MTERF4: variants seen among roughly 807,000 people sequenced by gnomAD.
The protein encoded by MTERF4 is mitochondrial transcription termination factor 4, also known as transcription termination factor 4, mitochondrial.
In MTERF4, 17 loss-of-function variants were observed where a neutral mutation model predicts 22.5. The ratio of observed to expected loss-of-function variants is 0.75; its 90% CI spans 0.52 to 1.13. The LOEUF (loss-of-function observed/expected upper bound fraction) is 1.13. MTERF4 is among the 50% of genes most tolerant of loss of function. MTERF4 has a pLI of 0.00. For missense variants in MTERF4, 420 were observed against 466.8 expected (o/e 0.90, Z 0.92); for synonymous variants, 165 against 175.3 (o/e 0.94, Z 0.47).
At chr2:241,057,708 CTT>C in the MTERF4 span, among the ~76,000 whole-genome samples, 2 of 151,920 alleles carry the variant, frequency 1.3e-5, no homozygotes, top group African/African-American at 4.8e-5. Context: ...AAGAAATAAA[CTT>C]AATACCTAAA....
At chr2:241,080,594 G>A (rs966366847) in intron 4 of MTERF4, among the ~76,000 whole-genome samples, 1 of 152,242 alleles carries the variant, frequency 6.6e-6, no homozygotes, top group Admixed American at 6.5e-5. Flanking sequence ...CAAAACAGCA[G>A]ACCATGTCCT....
At chr2:241,064,464 C>T in the MTERF4 span, among the ~76,000 whole-genome samples, 1 of 152,202 alleles carries the variant, frequency 6.6e-6, no homozygotes, top group South Asian at 2.1e-4. The surrounding 1 kb of genome is among the most constrained non-coding windows in gnomAD (Gnocchi z 7.0). Context: ...GGTCTGGCCC[C>T]TGGCTGTCCT....
intron 4 of MTERF4, among the ~76,000 whole-genome samples, chr2:241,078,877 G>A (rs2063178123): frequency 6.6e-6 from 1 of 152,064 alleles, no homozygotes; most frequent in African/African-American, 2.4e-5. Context: ...ACTTTGGGAG[G>A]CTGAGGCAGG....
the MTERF4 span, among the ~76,000 whole-genome samples, chr2:241,043,284 A>G: frequency 6.6e-6 from 1 of 152,226 alleles, no homozygotes; most frequent in Non-Finnish European, 1.5e-5. Context: ...AAGCCACATT[A>G]CATACAGCGA....
At chr2:241,063,375 G>A in the MTERF4 span, 1 of 593,714 alleles carries the variant, frequency 1.7e-6, no homozygotes, top group Non-Finnish European at 3.1e-6. Flanking sequence ...GCATGGCCTG[G>A]AGGTGGGGCT....
downstream of MTERF4, among the ~76,000 whole-genome samples, chr2:241,067,381 T>C (rs935593057): frequency 2.1e-4 from 32 of 152,212 alleles, no homozygotes; most frequent in Non-Finnish European, 1.6e-4. Context: ...GGCCCGGATG[T>C]GTGCTCTTAG....
At chr2:241,052,221 C>A in the MTERF4 span, 1 of 1,507,950 alleles carries the variant, frequency 6.6e-7, no homozygotes, top group Non-Finnish European at 9.2e-7. Context: ...GATGTGAAAA[C>A]AGGCCCATGG....
At chr2:241,061,041 A>G in the MTERF4 span, among the ~76,000 whole-genome samples, 9 of 152,320 alleles carry the variant, frequency 5.9e-5, no homozygotes, top group Non-Finnish European at 1.5e-5. Context: ...GAATTTAAAA[A>G]GAAATGATGA....
downstream of MTERF4, among the ~76,000 whole-genome samples, chr2:241,070,499 C>G (rs577347879): frequency 6.6e-6 from 1 of 152,226 alleles, no homozygotes; most frequent in Non-Finnish European, 1.5e-5. Flanking sequence ...AAAACGGGTG[C>G]CGAGGGTGGC....
chr2:241,097,531 A>G, intron 2 of MTERF4, 104 bp from the exon 3 acceptor site: 1 of 1,116,240 alleles, frequency 9.0e-7, no homozygotes, highest in Non-Finnish European at 1.3e-6. Context: ...ACAAACAAGG[A>G]TCCTCTCCTT....
the MTERF4 span, among the ~76,000 whole-genome samples, chr2:241,060,714 A>G: frequency 6.6e-6 from 1 of 152,192 alleles, no homozygotes; most frequent in African/African-American, 2.4e-5. Flanking sequence ...AGGCCAAGAC[A>G]GGAGTTTTGT....
the MTERF4 span, among the ~76,000 whole-genome samples, chr2:241,059,491 G>C: frequency 6.6e-6 from 1 of 152,256 alleles, no homozygotes; most frequent in African/African-American, 2.4e-5. Context: ...AAAATTTGAA[G>C]TTACAGACTG....
rs894103442 is a variant in MTERF4, at chr2:241,095,704, A to G, written c.*294T>C. 1.1e-5 allele frequency: 4 copies of G among 368,152 alleles called. No individual in the cohort carries two copies. Among genetic ancestry groups the G allele is most frequent in the East Asian group, 4.2e-5 (1 of 23,762 alleles). The allele number at this position is 368,152 out of a possible 1,614,324, so 22.8% of individuals were successfully genotyped here. A position where few individuals can be genotyped will look rare whatever the true frequency, so the allele number is the denominator to read the frequency against. On this transcript the variant is annotated 3_prime_UTR_variant, in exon 4 of 4. Transcript: ENST00000391980. ...TTCAAAAGAGAAAAAAATAAAACCA[A>G]TTGTTGATATATTGAGTCCCCTTGA...
downstream of MTERF4, among the ~76,000 whole-genome samples, chr2:241,083,201 G>A (rs930053284): frequency 6.6e-6 from 1 of 152,222 alleles, no homozygotes; most frequent in African/African-American, 2.4e-5. Flanking sequence ...GCCTCCTGGG[G>A]AGGGCGATGC....
chr2:241,057,436 A>G, the MTERF4 span, among the ~76,000 whole-genome samples: 9,014 of 144,436 alleles, frequency 0.062, 528 homozygotes, highest in African/African-American at 0.14. Flanking sequence ...GCTCACACAT[A>G]TAATGGGAGG....
At chr2:241,063,920 A>G in the MTERF4 span, 5 of 1,005,268 alleles carry the variant, frequency 5.0e-6, no homozygotes, top group African/African-American at 8.0e-5. Context: ...CTCCGCCCCT[A>G]GACTCCTCCT....
chr2:241,046,515 CAG>C, the MTERF4 span, among the ~76,000 whole-genome samples: 2 of 152,144 alleles, frequency 1.3e-5, no homozygotes, highest in Admixed American at 1.3e-4. Flanking sequence ...AGATGGATCT[CAG>C]GGGAATTATG....
downstream of MTERF4, chr2:241,082,431 C>T (rs2063374172): frequency 1.6e-6 from 2 of 1,242,366 alleles, no homozygotes; most frequent in Non-Finnish European, 2.3e-6. Context: ...AAAGTGCTGT[C>T]TCAAAGCTAC....
rs761295680 is a variant in MTERF4, at chr2:241,097,171, G to T, written c.705+72C>A. On this transcript the variant is annotated intron_variant, in intron 3 of 3. Transcript: ENST00000391980. ...ATCACGGTACCAGTCATTCTCACCT[G>T]AAACTACGCTAATCCCATTACCAGT... is the stretch of plus-strand genomic sequence containing the variant. 17 of 1,554,872 alleles carry T rather than the reference G, an allele frequency of 1.1e-5. No individual in the cohort carries two copies. The South Asian group carries it at 1.9e-4, about 18-fold the overall frequency.
Sources: gnomAD v4.1 joint callset for allele counts (sites outside exome capture counted in the v4.1 genomes callset) on GRCh38, gnomAD v4.1.1 for gene constraint, Gnocchi (gnomAD v3.1) non-coding constraint, MANE v1.5 for transcripts, NCBI Gene and HGNC (gene_info 2026-07-23, HGNC 2026-07-21) for gene names.